Variants in LRMDA observed in about 807,000 individuals in gnomAD.
LRMDA encodes the protein leucine-rich melanocyte differentiation-associated protein.
Under a neutral mutation model 29.8 loss-of-function variants are expected in LRMDA, and 18 were observed. The observed-to-expected ratio is 0.60, with a 90% CI of 0.42 to 0.90. The LOEUF is 0.90. Ranked by LOEUF, LRMDA falls within the 40% of genes least tolerant of loss-of-function variation. LRMDA has a pLI of 0.00. For synonymous variants in LRMDA, 125 were observed against 109.4 expected, an observed-to-expected ratio of 1.14 and a Z score of -0.89; for missense variants, 273 against 273.9, an observed-to-expected ratio of 1.00 and a Z score of 0.02.
At chr10:75,504,284 G>A (rs2132071864) in intron 2 of LRMDA, among the ~76,000 whole-genome samples, 1 of 152,232 alleles carries the variant, frequency 6.6e-6, no homozygotes, top group South Asian at 2.1e-4. Context: ...GTGAGCCACG[G>A]CACCCCATAT....
At position 75,674,102 on chromosome 10, in the gene LRMDA, G is replaced by T. The variant is rs546886265; in HGVS notation, c.131+235608G>T. On this transcript the variant is annotated intron_variant, in intron 2 of 6. Coordinates refer to ENST00000611255, the MANE Select transcript of LRMDA (RefSeq NM_001305581.2). The stretch of plus-strand genomic sequence containing the variant: ...AATATATGGAATGTTTTAATGCTGG[G>T]ACTAGTTTTTCCTTGGATAGATATT... Among the ~76,000 whole-genome samples, 14 of 152,300 alleles carry T rather than the reference G, an allele frequency of 9.2e-5. No homozygotes were observed. In the South Asian group the frequency reaches 2.7e-3, roughly 29 times the overall value.
At chr10:75,880,166 T>C (rs763380421) in intron 2 of LRMDA, among the ~76,000 whole-genome samples, 13 of 152,226 alleles carry the variant, frequency 8.5e-5, no homozygotes, top group Admixed American at 2.0e-4. Context: ...ACCCAATATA[T>C]GGAAACAGTG....
chr10:75,794,901 T>A (rs1202209612), intron 2 of LRMDA, among the ~76,000 whole-genome samples: 1 of 152,142 alleles, frequency 6.6e-6, no homozygotes, highest in Non-Finnish European at 1.5e-5. Flanking sequence ...AAATGGTGCC[T>A]TTTGATAAGC....
chr10:75,805,786 T>C (rs1589212687), intron 2 of LRMDA, among the ~76,000 whole-genome samples: 1 of 152,312 alleles, frequency 6.6e-6, no homozygotes, highest in East Asian at 1.9e-4. Flanking sequence ...TTTTGTGACT[T>C]GAGTTCCCGT....
intron 5 of LRMDA, among the ~76,000 whole-genome samples, chr10:76,085,256 C>A (rs1849115618): frequency 6.6e-6 from 1 of 152,152 alleles, no homozygotes; most frequent in South Asian, 2.1e-4. Context: ...GCAATAAATG[C>A]ATCCTAATAC....
intron 2 of LRMDA, among the ~76,000 whole-genome samples, chr10:75,807,723 A>G (rs1320439515): frequency 1.3e-5 from 2 of 152,176 alleles, no homozygotes; most frequent in Middle Eastern, 3.2e-3. Context: ...AAGAATGCTG[A>G]GGCTTTGCAG....
intron 5 of LRMDA, among the ~76,000 whole-genome samples, chr10:76,249,629 A>G (rs1035388889): frequency 1.8e-4 from 28 of 152,222 alleles, no homozygotes; most frequent in African/African-American, 6.5e-4. Flanking sequence ...GACAAGTTTT[A>G]AAGAAACAGA....
At chr10:76,087,224 G>A (rs1355867757) in intron 5 of LRMDA, among the ~76,000 whole-genome samples, 1 of 152,154 alleles carries the variant, frequency 6.6e-6, no homozygotes, top group Admixed American at 6.5e-5. Context: ...TCAGGTACTA[G>A]CTGTCTTCAT....
chr10:75,936,033 G>C (rs1175448850), intron 2 of LRMDA, among the ~76,000 whole-genome samples: 1 of 152,016 alleles, frequency 6.6e-6, no homozygotes, highest in African/African-American at 2.4e-5. Flanking sequence ...TTAAAAGACT[G>C]ATTATAAGTG....
At chr10:75,514,747 C>T (rs1845270651) in intron 2 of LRMDA, among the ~76,000 whole-genome samples, 1 of 152,180 alleles carries the variant, frequency 6.6e-6, no homozygotes, top group East Asian at 1.9e-4. Context: ...CAGCCCAAGA[C>T]CCTCACCAGA....
intron 6 of LRMDA, among the ~76,000 whole-genome samples, chr10:76,529,829 A>G (rs11001806): frequency 0.4 from 60,951 of 151,978 alleles, 13,093 homozygotes; most frequent in African/African-American, 0.5. Flanking sequence ...TCTTACATGG[A>G]AAAAGGTCAC....
chr10:75,707,047 T>C (rs911033939), intron 2 of LRMDA, among the ~76,000 whole-genome samples: 7 of 152,176 alleles, frequency 4.6e-5, no homozygotes, highest in African/African-American at 1.7e-4. Flanking sequence ...CAATACATAG[T>C]TTTGCTTTAG....
intron 2 of LRMDA, among the ~76,000 whole-genome samples, chr10:75,649,778 CTCT>C (rs925994066): frequency 2.0e-5 from 3 of 152,166 alleles, no homozygotes; most frequent in Non-Finnish European, 4.4e-5. Flanking sequence ...TCCTTGCCAA[CTCT>C]TCTTTTTGTT....
chr10:76,263,071 T>C (rs1164996582), intron 5 of LRMDA, among the ~76,000 whole-genome samples: 2 of 152,248 alleles, frequency 1.3e-5, no homozygotes, highest in Non-Finnish European at 2.9e-5. Flanking sequence ...ATAATCTCAT[T>C]TTCAAATTGA....
intron 5 of LRMDA, among the ~76,000 whole-genome samples, chr10:76,262,693 T>C (rs532146251): frequency 6.6e-6 from 1 of 152,348 alleles, no homozygotes; most frequent in African/African-American, 2.4e-5. Context: ...TACAGATTCT[T>C]TCCCAAGCTT....
At chr10:76,286,418 A>G (rs774353341) in intron 5 of LRMDA, among the ~76,000 whole-genome samples, 4 of 152,178 alleles carry the variant, frequency 2.6e-5, no homozygotes, top group Non-Finnish European at 5.9e-5. Context: ...CCACATTTTT[A>G]AAGTGAGAGG....
intron 2 of LRMDA, among the ~76,000 whole-genome samples, chr10:75,695,566 C>A (rs1412309802): frequency 6.6e-6 from 1 of 152,052 alleles, no homozygotes; most frequent in African/African-American, 2.4e-5. Context: ...GTATCTCCCT[C>A]CCCCTCCCTT....
At chr10:75,651,818 G>A (rs1421688208) in intron 2 of LRMDA, among the ~76,000 whole-genome samples, 6 of 152,144 alleles carry the variant, frequency 3.9e-5, no homozygotes, top group African/African-American at 7.2e-5. Context: ...ATTGTATAGG[G>A]TTTTGATGAA....
At chr10:75,738,442 C>G (rs1470391257) in intron 2 of LRMDA, among the ~76,000 whole-genome samples, 1 of 152,212 alleles carries the variant, frequency 6.6e-6, no homozygotes, top group Non-Finnish European at 1.5e-5. Context: ...CAGATTCTTT[C>G]TGCCATTCTT....
Sources: allele counts gnomAD v4.1 joint callset (sites outside exome capture counted in the v4.1 genomes callset), GRCh38; gene constraint gnomAD v4.1.1; transcripts MANE v1.5; gene names NCBI Gene and HGNC (gene_info 2026-07-23, HGNC 2026-07-21).